The following RTN1 variants were observed in gnomAD, a reference collection of about 807,000 sequenced individuals.
RTN1 encodes the protein reticulon-1.
A neutral mutation model predicts 65.5 loss-of-function variants in RTN1; 25 were observed. That is an observed-to-expected ratio of 0.38 (90% CI 0.28 to 0.53). The LOEUF is 0.53. Among genes scored for constraint, RTN1 ranks in the 20% least tolerant of loss-of-function variants. The probability of loss-of-function intolerance (pLI) is 0.79; values close to 1 mark genes in which losing one functional copy is unlikely to be tolerated. For missense variants in RTN1, 983 were observed against 1,025.4 expected, an observed-to-expected ratio of 0.96 and a Z score of 0.57; for synonymous variants, 471 against 447.6, an observed-to-expected ratio of 1.05 and a Z score of -0.66.
rs766803436 is a variant in RTN1, at chr14:59,630,491, C to A, written c.1766-22999G>T. On this transcript the variant is annotated intron_variant, in intron 3 of 8. Coordinates refer to ENST00000267484, the MANE Select transcript of RTN1 (RefSeq NM_021136.3). ...CACACACAGTCCATCTTGGTGGAAT[C>A]GGCAGTGGCCTGCATCGTGCGGGCT... 5.0e-6 allele frequency: 8 copies of A among 1,613,864 alleles called. No individual in the cohort carries two copies. In the South Asian group the frequency reaches 7.7e-5, roughly 16 times the overall value.
At chr14:59,618,069 C>CCTCTAAG (rs56935854) in intron 3 of RTN1, among the ~76,000 whole-genome samples, 28,783 of 152,030 alleles carry the variant, frequency 0.19, 3,369 homozygotes, top group African/African-American at 0.33. Flanking sequence ...TTGCTTCTAA[C>CCTCTAAG]CTCTAAGCTG....
chr14:59,778,415 A>T (rs1442572992), intron 1 of RTN1, among the ~76,000 whole-genome samples: 1 of 152,194 alleles, frequency 6.6e-6, no homozygotes, highest in East Asian at 1.9e-4. Flanking sequence ...TAAGATAAAG[A>T]AGCACTATTT....
chr14:59,842,319 T>C (rs1461938882), intron 1 of RTN1, among the ~76,000 whole-genome samples: 2 of 151,926 alleles, frequency 1.3e-5, no homozygotes, highest in Admixed American at 1.3e-4. Flanking sequence ...ATGGAATAAA[T>C]AGAAAAATGC....
At position 59,816,193 on chromosome 14, in the gene RTN1, GCA is replaced by G. The variant is rs1049949881; in HGVS notation, c.241+54195_241+54196del. Among the ~76,000 whole-genome samples the G allele has an allele frequency of 7.3e-5, 11 of 151,330 alleles. No individual in the cohort carries two copies. Among genetic ancestry groups the G allele is most frequent in the South Asian group, 2.1e-4 (1 of 4,764 alleles). On this transcript the variant is annotated intron_variant, in intron 1 of 8. Transcript: ENST00000267484. The surrounding 1 kb of genome is among the most constrained non-coding windows in gnomAD (Gnocchi z 4.3). ...TGCATACTTTTAGAGACTAAAGTAT[GCA>G]CACACACACACACAAGCTTGCGTGC...
At chr14:59,663,215 G>T (rs568317802) in intron 3 of RTN1, among the ~76,000 whole-genome samples, 2 of 152,196 alleles carry the variant, frequency 1.3e-5, no homozygotes, top group Non-Finnish European at 2.9e-5. Flanking sequence ...CTAGCCACAT[G>T]TAGAAAACTG....
rs1381890674 is a variant in RTN1 at position 59,745,916 on chromosome 14, T to G, written c.807A>C (p.Glu269Asp). Reference protein sequence around the residue: ...TFAPYIDDLSEEQRRAPQITT... With the variant: ...TFAPYIDDLSDEQRRAPQITT... Reference sequence around the variant, plus strand: ...TGATCTGAGGAGCCCTGCGCTGTTCTTCAGAGAGATCATCTATGTATGGAG... The same window carrying G: ...TGATCTGAGGAGCCCTGCGCTGTTCGTCAGAGAGATCATCTATGTATGGAG... Residue 269 changes from glutamate (E) to aspartate (D), a missense_variant, in exon 2 of 9, where the codon GAA becomes GAC. Glu to Asp is a conservative substitution (Grantham distance 45). This residue lies in a region of RTN1 where 818 missense variants were observed against 801.8 expected (regional missense o/e 1.02). Coordinates refer to ENST00000267484, the MANE Select transcript of RTN1 (RefSeq NM_021136.3). The G allele has an allele frequency of 6.2e-7, 1 of 1,614,126 alleles. No individual in the cohort carries two copies. The highest frequency in any genetic ancestry group is 8.5e-7 in the Non-Finnish European group (1 of 1,180,020).
intron 3 of RTN1, among the ~76,000 whole-genome samples, chr14:59,718,988 C>T (rs1429496615): frequency 6.6e-6 from 1 of 152,224 alleles, no homozygotes; most frequent in East Asian, 1.9e-4. Context: ...CCATTGCCAT[C>T]TCATGCCTGC....
intron 3 of RTN1, among the ~76,000 whole-genome samples, chr14:59,705,606 G>C (rs1884274658): frequency 6.6e-6 from 1 of 152,168 alleles, no homozygotes; most frequent in African/African-American, 2.4e-5. Flanking sequence ...CCCTGTCCCA[G>C]ATTTTTTGAA....
intron 3 of RTN1, among the ~76,000 whole-genome samples, chr14:59,659,952 G>T (rs1162270366): frequency 6.8e-6 from 1 of 147,550 alleles, no homozygotes; most frequent in Non-Finnish European, 1.5e-5. Flanking sequence ...TGGCAAATTG[G>T]ATAAAGAGTC....
chr14:59,826,151 T>C (rs1887027070), intron 1 of RTN1, among the ~76,000 whole-genome samples: 1 of 152,136 alleles, frequency 6.6e-6, no homozygotes, highest in African/African-American at 2.4e-5. Context: ...GCACAAACTA[T>C]ACTAAGCACA....
At chr14:59,631,708 G>A (rs555415473) in intron 3 of RTN1, among the ~76,000 whole-genome samples, 5 of 152,230 alleles carry the variant, frequency 3.3e-5, no homozygotes, top group Admixed American at 3.3e-4. Context: ...AAAGAGAAAG[G>A]ACTGGAATGT....
intron 2 of RTN1, among the ~76,000 whole-genome samples, chr14:59,739,362 G>A (rs913959647): frequency 7.2e-5 from 11 of 152,186 alleles, no homozygotes; most frequent in African/African-American, 1.7e-4. Flanking sequence ...CCAGCATGGC[G>A]AAACCCCGTC....
At chr14:59,679,328 C>A (rs959602953) in intron 3 of RTN1, among the ~76,000 whole-genome samples, 1 of 152,210 alleles carries the variant, frequency 6.6e-6, no homozygotes, top group Non-Finnish European at 1.5e-5. Flanking sequence ...CCAATGATAA[C>A]CCATACACCC....
At chr14:59,749,360 A>ATATATATCTATATC (rs1885339650) in intron 1 of RTN1, among the ~76,000 whole-genome samples, 1 of 26,886 alleles carries the variant, frequency 3.7e-5, no homozygotes, top group African/African-American at 2.1e-4. Flanking sequence ...ATATATATCT[A>ATATATATCTATATC]TATATATATC....
chr14:59,808,640 A>C (rs1046334799), intron 1 of RTN1, among the ~76,000 whole-genome samples: 4 of 152,166 alleles, frequency 2.6e-5, no homozygotes, highest in Non-Finnish European at 5.9e-5. Flanking sequence ...TCCCCACCCA[A>C]GTCTCATGTC....
chr14:59,608,463 CA>C (rs1881836975), intron 3 of RTN1, among the ~76,000 whole-genome samples: 1 of 152,148 alleles, frequency 6.6e-6, no homozygotes, highest in East Asian at 1.9e-4. Flanking sequence ...GTGTAATTAG[CA>C]TGAAAGAACA....
chr14:59,733,971 A>T (rs1009928239), intron 2 of RTN1, among the ~76,000 whole-genome samples: 3 of 152,072 alleles, frequency 2.0e-5, no homozygotes, highest in African/African-American at 7.2e-5. Flanking sequence ...CACCACCTAC[A>T]GGCACATTTG....
intron 1 of RTN1, among the ~76,000 whole-genome samples, chr14:59,781,213 G>A (rs1886148538): frequency 2.0e-5 from 3 of 151,646 alleles, no homozygotes; most frequent in South Asian, 2.1e-4. Flanking sequence ...CCCATCACTC[G>A]GCCAGCTCCC....
chr14:59,679,044 C>T (rs1210800014), intron 3 of RTN1, among the ~76,000 whole-genome samples: 1 of 152,160 alleles, frequency 6.6e-6, no homozygotes, highest in Admixed American at 6.5e-5. Flanking sequence ...CTCTTGGCTC[C>T]TGGCAGAGTG....
Sources: gnomAD v4.1 joint callset for allele counts (sites outside exome capture counted in the v4.1 genomes callset) on GRCh38, gnomAD v4.1.1 for gene constraint, gnomAD v4.1.1 regional missense constraint, Gnocchi (gnomAD v3.1) non-coding constraint, MANE v1.5 for transcripts, NCBI Gene and HGNC (gene_info 2026-07-23, HGNC 2026-07-21) for gene names.